Variants in ARHGEF39 observed in about 807,000 individuals in gnomAD.
ARHGEF39 encodes the protein Rho guanine nucleotide exchange factor 39, also known as Rho guanine nucleotide exchange factor (GEF) 39.
In ARHGEF39, 45 loss-of-function variants were observed where a neutral mutation model predicts 47.5. That is an observed-to-expected ratio of 0.95 (90% CI 0.75 to 1.22). The LOEUF (loss-of-function observed/expected upper bound fraction) is 1.22. ARHGEF39 is among the 50% of genes most tolerant of loss of function. The pLI is 0.00. For synonymous variants in ARHGEF39, 164 were observed against 167.8 expected (o/e 0.98, Z 0.17); for missense variants, 411 against 425.3 (o/e 0.97, Z 0.30).
chr9:35,660,507 C>T lies in ARHGEF39; in HGVS notation c.*1480G>A, dbSNP rs2131819486. 2.5e-6 allele frequency: 4 copies of T among 1,612,892 alleles called. No individual in the cohort carries two copies. The South Asian group carries it at 3.3e-5, about 13-fold the overall frequency. On this transcript the variant is annotated 3_prime_UTR_variant, in exon 9 of 9. Transcript: ENST00000378387. ...TGCTGGGTCGGGGGAGTTTAGGGGA[C>T]AGCAGAAGATACATAACCACTTCTG...
rs902841488 is a variant in ARHGEF39 at position 35,661,849 on chromosome 9, G to C, written c.*138C>G. ...AGAGTTGGTCAGATGATCTGGAGTA[G>C]CTTGGTCCAGGCAAACAGAAAGTGA... is the stretch of plus-strand genomic sequence containing the variant. On this transcript the variant is annotated 3_prime_UTR_variant, in exon 9 of 9. Coordinates refer to ENST00000378387, the MANE Select transcript of ARHGEF39 (RefSeq NM_032818.3). The C allele has an allele frequency of 3.4e-5, 35 of 1,044,124 alleles. No individual in the cohort carries two copies. The highest frequency in any genetic ancestry group is 1.4e-5 in the Non-Finnish European group (10 of 709,420). The allele number at this position is 1,044,124 out of a possible 1,614,324, so 64.7% of individuals were successfully genotyped here. A position where few individuals can be genotyped will look rare whatever the true frequency, so the allele number is the denominator to read the frequency against.
In ARHGEF39 at chr9:35,661,188, TGGAGTGCTCCTG is replaced by T; in HGVS notation, c.*787_*798del. ...ACTAAAACAAAGTCTGTTTTCATGA[TGGAGTGCTCCTG>T]TGTGTTTTTTCGATCCTAGTTGGTT... On this transcript the variant is annotated 3_prime_UTR_variant, in exon 9 of 9. Transcript: ENST00000378387. The T allele has an allele frequency of 6.3e-7, 1 of 1,588,542 alleles. No individual in the cohort carries two copies. Among genetic ancestry groups the T allele is most frequent in the Non-Finnish European group, 8.6e-7 (1 of 1,165,662 alleles).
chr9:35,661,229 C>A lies in ARHGEF39; in HGVS notation c.*758G>T. The stretch of plus-strand genomic sequence containing the variant: ...GTTTTTTCGATCCTAGTTGGTTGTA[C>A]ACACCCATACTAGGTGCCTAAGGAC... On this transcript the variant is annotated 3_prime_UTR_variant, in exon 9 of 9. Coordinates refer to ENST00000378387, the MANE Select transcript of ARHGEF39 (RefSeq NM_032818.3). 1.4e-6 allele frequency: 2 copies of A among 1,431,790 alleles called. No individual in the cohort carries two copies. Among genetic ancestry groups the A allele is most frequent in the Non-Finnish European group, 1.9e-6 (2 of 1,042,418 alleles). The allele number at this position is 1,431,790 out of a possible 1,614,324, so 88.7% of individuals were successfully genotyped here. A position where few individuals can be genotyped will look rare whatever the true frequency, so the allele number is the denominator to read the frequency against.
rs145670939 is a variant in ARHGEF39 at position 35,660,830 on chromosome 9, G to C, written c.*1157C>G. On this transcript the variant is annotated 3_prime_UTR_variant, in exon 9 of 9. Transcript: ENST00000378387. The stretch of plus-strand genomic sequence containing the variant: ...ACGAGCTGCTGCAAGATAGCAAGCC[G>C]GACAAGGATATGGAGGCTTCAGAAC... 6.2e-7 allele frequency: 1 copy of C among 1,614,188 alleles called. No homozygotes were observed. Among genetic ancestry groups the C allele is most frequent in the Non-Finnish European group, 8.5e-7 (1 of 1,180,032 alleles).
Position 35,663,349 on chromosome 9 carries a change from T to C in ARHGEF39, c.517A>G (p.Asn173Asp), listed in dbSNP as rs141756730. Residue 173 changes from asparagine to aspartate, a missense_variant, in exon 5 of 9, where the codon AAC (asparagine) becomes GAC (aspartate). Asn to Asp is a conservative substitution (Grantham distance 23). Transcript: ENST00000378387. ...GTGAGCTGTTGATGGTCAGGGCTGT[T>C]GGGACCTGTGTTTTCAGCCAAAGCT... Reference protein sequence around the residue: ...VVALAENTGPNSPDHQQLTRA... With the variant: ...VVALAENTGPDSPDHQQLTRA... The C allele has an allele frequency of 5.2e-4, 839 of 1,614,060 alleles. 4 individuals are homozygous for C. The African/African-American group carries it at 9.6e-3, about 19-fold the overall frequency.
chr9:35,664,433 C>A lies in ARHGEF39; in HGVS notation c.293G>T (p.Arg98Leu), dbSNP rs1315383740. ...CWGQGLEGFC[R>L]HLELYNQFAA... is the part of the protein sequence containing the mutation. Reference sequence around the variant, plus strand: ...AAATTGGTTATAGAGCTCCAAGTGGCGGCAGAAGCCCTCCAGCCCTTGGCC... The same window carrying A: ...AAATTGGTTATAGAGCTCCAAGTGGAGGCAGAAGCCCTCCAGCCCTTGGCC... Residue 98 changes from arginine (R) to leucine (L), a missense_variant, in exon 3 of 9, where the codon CGC becomes CTC. By Grantham distance (102) the Arg-to-Leu change is moderately radical. Transcript: ENST00000378387. 3.1e-6 allele frequency: 5 copies of A among 1,610,612 alleles called. No individual in the cohort carries two copies. Among genetic ancestry groups the A allele is most frequent in the Non-Finnish European group, 4.2e-6 (5 of 1,177,602 alleles).
At chr9:35,662,368 C>T in intron 7 of ARHGEF39, 101 bp from the exon 8 acceptor site, 1 of 1,410,366 alleles carries the variant, frequency 7.1e-7, no homozygotes, top group Non-Finnish European at 9.9e-7. Flanking sequence ...GAGACAATGA[C>T]TAGGTATGAA....
In ARHGEF39 at chr9:35,661,149, A is replaced by C. The variant is rs753194449; in HGVS notation, c.*838T>G. ...CAGCCTTGGCTGGGAAGGAGGGACGACAGCTGAAGGTCGACTAAAACAAAG... is the reference window on the plus strand; with the variant it reads ...CAGCCTTGGCTGGGAAGGAGGGACGCCAGCTGAAGGTCGACTAAAACAAAG... On this transcript the variant is annotated 3_prime_UTR_variant, in exon 9 of 9. Transcript: ENST00000378387. 3.1e-6 allele frequency: 5 copies of C among 1,610,374 alleles called. No homozygotes were observed. The South Asian group carries it at 5.5e-5, about 18-fold the overall frequency.
intron 4 of ARHGEF39, among the ~76,000 whole-genome samples, 156 bp downstream of exon 4, chr9:35,663,852 T>C (rs1824100489): frequency 6.6e-6 from 1 of 152,178 alleles, no homozygotes; most frequent in African/African-American, 2.4e-5. Context: ...GGTACTCCAA[T>C]GGGTTCACAT....
intron 6 of ARHGEF39, 52 bp downstream of exon 6, chr9:35,662,894 T>C (rs1236041699): frequency 3.8e-6 from 6 of 1,597,298 alleles, no homozygotes; most frequent in African/African-American, 2.7e-5. Flanking sequence ...TGGAGTTAGA[T>C]AAAAATAAAA....
chr9:35,662,408 T>C (rs1824000739), intron 7 of ARHGEF39, 104 bp downstream of exon 7: 1 of 1,391,326 alleles, frequency 7.2e-7, no homozygotes, highest in Admixed American at 2.0e-5. Flanking sequence ...TCTCTCAATG[T>C]AGATGGCTCT....
chr9:35,661,962 G>C lies in ARHGEF39; in HGVS notation c.*25C>G. The C allele has an allele frequency of 6.2e-7, 1 of 1,612,268 alleles. No individual in the cohort carries two copies. The highest frequency in any genetic ancestry group is 8.5e-7 in the Non-Finnish European group (1 of 1,178,928). On this transcript the variant is annotated 3_prime_UTR_variant, in exon 9 of 9. Coordinates refer to ENST00000378387, the MANE Select transcript of ARHGEF39 (RefSeq NM_032818.3). ...CTGTGACCTATCCCTGAGGTATCCT[G>C]AGTTCTGGAATCTATAAGATTCCTC...
At chr9:35,662,873 TG>T in intron 6 of ARHGEF39, 72 bp downstream of exon 6, 2 of 1,585,740 alleles carry the variant, frequency 1.3e-6, no homozygotes, top group Middle Eastern at 3.4e-4. Flanking sequence ...AAAGAGCAGC[TG>T]GTCGGCATTT....
chr9:35,662,858 T>C (rs1418954290), intron 6 of ARHGEF39, 88 bp downstream of exon 6: 17 of 1,566,884 alleles, frequency 1.1e-5, no homozygotes, highest in Non-Finnish European at 1.5e-5. Flanking sequence ...GAAGGGTGAG[T>C]AAGAAAAGAG....
intron 7 of ARHGEF39, 66 bp downstream of exon 7, chr9:35,662,446 G>A: frequency 2.6e-6 from 4 of 1,518,324 alleles, no homozygotes; most frequent in Non-Finnish European, 3.6e-6. Context: ...CCCAGACCAG[G>A]GAGATAAACC....
chr9:35,665,091 C>T lies in ARHGEF39; in HGVS notation c.79G>A (p.Ala27Thr). 1 of 1,552,862 alleles carries T rather than the reference C, an allele frequency of 6.4e-7. No individual in the cohort carries two copies. The change falls in exon 1 of 9, where the codon GCC becomes ACC. Residue 27 changes from alanine to threonine, a missense_variant. Physicochemically the swap from Ala to Thr is moderately conservative, Grantham distance 58. Coordinates refer to ENST00000378387, the MANE Select transcript of ARHGEF39 (RefSeq NM_032818.3). The stretch of plus-strand genomic sequence containing the variant: ...CGCTCGGTCTCTAGCAGCTCCCGGG[C>T]GGTGCAGGCGCGTTTCCGCTCCCAG... ...ARWERKRACT[A>T]RELLETERRY...
At chr9:35,663,539 GACTCAGAACCA>G in intron 4 of ARHGEF39, 147 bp from the exon 5 acceptor site, 1 of 689,962 alleles carries the variant, frequency 1.4e-6, no homozygotes, top group East Asian at 2.7e-5. Context: ...TTTCATGTAG[GACTCAGAACCA>G]GGCTCACACC....
In ARHGEF39 at chr9:35,660,752, T is replaced by G. The variant is rs1307811799; in HGVS notation, c.*1235A>C. 5 of 1,613,800 alleles carry G rather than the reference T, an allele frequency of 3.1e-6. No homozygotes were observed. The highest frequency in any genetic ancestry group is 2.2e-5 in the East Asian group (1 of 44,898). Reference sequence around the variant, plus strand: ...TGAGTGGACATTTCTTCAGTGTGACTACTCTGGCTGGAGCCCAGCAGGAGC... The same window carrying G: ...TGAGTGGACATTTCTTCAGTGTGACGACTCTGGCTGGAGCCCAGCAGGAGC... On this transcript the variant is annotated 3_prime_UTR_variant, in exon 9 of 9. Transcript: ENST00000378387.
rs1823875332 is a variant in ARHGEF39 at position 35,660,670 on chromosome 9, G to T, written c.*1317C>A. 1 of 1,614,014 alleles carries T rather than the reference G, an allele frequency of 6.2e-7. No individual in the cohort carries two copies. The highest frequency in any genetic ancestry group is 8.5e-7 in the Non-Finnish European group (1 of 1,180,004). On this transcript the variant is annotated 3_prime_UTR_variant, in exon 9 of 9. Transcript: ENST00000378387. The stretch of plus-strand genomic sequence containing the variant: ...GCGGTGAGGAGAGCAATGATTCTGT[G>T]AATTTTTGGGGAATTTGTGGCAGGA...
Sources: gnomAD v4.1 joint callset for allele counts (sites outside exome capture counted in the v4.1 genomes callset) on GRCh38, gnomAD v4.1.1 for gene constraint, MANE v1.5 for transcripts, NCBI Gene and HGNC (gene_info 2026-07-23, HGNC 2026-07-21) for gene names.